Variants in DPP6 observed in about 807,000 individuals in gnomAD.
DPP6 encodes the protein dipeptidyl peptidase like 6.
Under a neutral mutation model 122.6 loss-of-function variants are expected in DPP6, and 69 were observed. That is an observed-to-expected ratio of 0.56 (90% CI 0.46 to 0.69). The LOEUF (loss-of-function observed/expected upper bound fraction) is 0.69, where lower values mean the gene tolerates loss of function less well. Ranked by LOEUF, DPP6 falls within the 30% of genes least tolerant of loss-of-function variation. DPP6 has a pLI of 0.00. For synonymous variants in DPP6, 418 were observed against 433.1 expected (o/e 0.97, Z 0.43); for missense variants, 928 against 1,116.9 (o/e 0.83, Z 2.41).
intron 7 of DPP6, among the ~76,000 whole-genome samples, chr7:154,676,197 GCTGTCTGGAGGT>G: frequency 6.6e-6 from 1 of 150,974 alleles, no homozygotes; most frequent in South Asian, 2.1e-4. Flanking sequence ...CTTGCAGCGT[GCTGTCTGGAGGT>G]CCAGCTGCCC....
chr7:154,635,702 A>G (rs1355912592), intron 5 of DPP6, among the ~76,000 whole-genome samples: 3 of 152,164 alleles, frequency 2.0e-5, no homozygotes, highest in African/African-American at 7.2e-5. Flanking sequence ...GCATCAAGAC[A>G]TTAGCCAGGG....
chr7:153,927,118 A>AT (rs1200583400), intron 1 of DPP6, among the ~76,000 whole-genome samples: 18 of 152,144 alleles, frequency 1.2e-4, no homozygotes, highest in African/African-American at 4.1e-4. Context: ...TTTGAGACCA[A>AT]TCTGGGCAAC....
chr7:154,443,122 G>T (rs188463622), intron 1 of DPP6, among the ~76,000 whole-genome samples: 338 of 152,204 alleles, frequency 2.2e-3, no homozygotes, highest in African/African-American at 7.7e-3. Context: ...CTCCACTGAA[G>T]CCTATGCTGT....
chr7:153,955,999 T>C (rs1348353920), intron 1 of DPP6, among the ~76,000 whole-genome samples: 1 of 152,114 alleles, frequency 6.6e-6, no homozygotes, highest in African/African-American at 2.4e-5. Context: ...TGTGGTCCTA[T>C]AAAGGTGCGT....
In DPP6 at chr7:154,282,303, G is replaced by T. The variant is rs913891399; in HGVS notation, c.244-163911G>T. ...GTACAATTCAATAGCCTGCATGCAG[G>T]GACATGCTTCTCAGGTGGCCTCTGG... On this transcript the variant is annotated intron_variant, in intron 1 of 25. Transcript: ENST00000377770. This position sits in a 1 kb window ranked among gnomAD's most constrained non-coding sequence, Gnocchi z 4.8. Among the ~76,000 whole-genome samples the T allele has an allele frequency of 3.3e-5, 5 of 152,120 alleles. No individual in the cohort carries two copies. The highest frequency in any genetic ancestry group is 1.2e-4 in the African/African-American group (5 of 41,418).
intron 1 of DPP6, among the ~76,000 whole-genome samples, chr7:154,209,637 CTT>C (rs2150805146): frequency 6.6e-6 from 1 of 152,044 alleles, no homozygotes; most frequent in South Asian, 2.1e-4. Flanking sequence ...AAAATAATCT[CTT>C]AAGTGTAAAG....
chr7:154,356,637 C>T (rs1811291903), intron 1 of DPP6, among the ~76,000 whole-genome samples: 1 of 152,046 alleles, frequency 6.6e-6, no homozygotes, highest in Non-Finnish European at 1.5e-5. Flanking sequence ...ACAATTCTAT[C>T]TAAGAAGTTA....
At chr7:154,634,956 T>C (rs1402026425) in intron 5 of DPP6, among the ~76,000 whole-genome samples, 1 of 152,166 alleles carries the variant, frequency 6.6e-6, no homozygotes, top group Non-Finnish European at 1.5e-5. Context: ...CCAGGAAAGA[T>C]GGCAGCTATT....
In DPP6 at chr7:154,204,353, G is replaced by A. The variant is rs190524786; in HGVS notation, c.243+151290G>A. ...GATGGGAAGTGGGGAGGGAGTCATGGAGTTTTAATCTCATCCTCTTTGTGG... is the reference window on the plus strand; with the variant it reads ...GATGGGAAGTGGGGAGGGAGTCATGAAGTTTTAATCTCATCCTCTTTGTGG... On this transcript the variant is annotated intron_variant, in intron 1 of 25. Coordinates refer to ENST00000377770, the MANE Select transcript of DPP6 (RefSeq NM_130797.4). Among the ~76,000 whole-genome samples, 74 of 152,326 alleles carry A rather than the reference G, an allele frequency of 4.9e-4. 1 individual carries two copies. The highest frequency in any genetic ancestry group is 4.8e-3 in the Admixed American group (74 of 15,302).
chr7:154,587,171 G>T lies in DPP6; in HGVS notation c.627+20255G>T, dbSNP rs117930046. The T allele has an allele frequency of 0.01, 1,735 of 170,832 alleles. 14 individuals are homozygous for T. The highest frequency in any genetic ancestry group is 0.015 in the Non-Finnish European group (1,150 of 79,280). The allele number at this position is 170,832 out of a possible 1,614,324, so 10.6% of individuals were successfully genotyped here. A position where few individuals can be genotyped will look rare whatever the true frequency, so the allele number is the denominator to read the frequency against. Reference sequence around the variant, plus strand: ...TTCGCTATTAATCCCTGCAGGGTCAGTGAACGCATGTCAGCTCTGCACTCA... The same window carrying T: ...TTCGCTATTAATCCCTGCAGGGTCATTGAACGCATGTCAGCTCTGCACTCA... On this transcript the variant is annotated intron_variant, in intron 5 of 25. Coordinates refer to ENST00000377770, the MANE Select transcript of DPP6 (RefSeq NM_130797.4).
chr7:153,964,999 T>TTTCTTCCTTC (rs1563055951), intron 1 of DPP6, among the ~76,000 whole-genome samples: 1 of 62,432 alleles, frequency 1.6e-5, no homozygotes, highest in African/African-American at 7.6e-5. Context: ...TTCCTTCCTT[T>TTTCTTCCTTC]CTTCCTTCCT....
At chr7:153,807,851 G>A in the DPP6 span, among the ~76,000 whole-genome samples, 1 of 152,006 alleles carries the variant, frequency 6.6e-6, no homozygotes, top group Non-Finnish European at 1.5e-5. Flanking sequence ...TGGCTTGAAA[G>A]AAGCCTCTAC....
At chr7:154,672,479 G>A (rs1838629090) in intron 7 of DPP6, among the ~76,000 whole-genome samples, 3 of 152,162 alleles carry the variant, frequency 2.0e-5, no homozygotes, top group South Asian at 2.1e-4. Flanking sequence ...CATTTTTGTG[G>A]TTTCAAACCA....
the DPP6 span, among the ~76,000 whole-genome samples, chr7:153,865,522 A>G: frequency 6.6e-6 from 1 of 152,204 alleles, no homozygotes; most frequent in African/African-American, 2.4e-5. Context: ...ATGACATTTT[A>G]ATTAATAAAA....
intron 5 of DPP6, among the ~76,000 whole-genome samples, chr7:154,626,165 G>A (rs923401007): frequency 7.2e-5 from 11 of 152,140 alleles, no homozygotes; most frequent in Non-Finnish European, 1.6e-4. Context: ...TTTCCTCCTA[G>A]CAATGCTATG....
intron 1 of DPP6, among the ~76,000 whole-genome samples, chr7:153,947,609 T>C (rs1397793016): frequency 6.6e-6 from 1 of 152,112 alleles, no homozygotes; most frequent in Admixed American, 6.5e-5. Context: ...GAAGGGACAG[T>C]GGGGACCCGA....
At chr7:154,324,718 C>T (rs1253034875) in intron 1 of DPP6, among the ~76,000 whole-genome samples, 3 of 152,074 alleles carry the variant, frequency 2.0e-5, no homozygotes, top group Non-Finnish European at 2.9e-5. Flanking sequence ...ACGTGGAAAC[C>T]GTGATGCTAG....
intron 8 of DPP6, among the ~76,000 whole-genome samples, chr7:154,749,191 C>T (rs375664463): frequency 2.6e-5 from 2 of 75,854 alleles, no homozygotes; most frequent in East Asian, 4.4e-4. Flanking sequence ...AGAGGGATGG[C>T]GGCTTTACTG....
intron 1 of DPP6, chr7:154,093,635 T>TACACAC (rs370461078): frequency 0.15 from 21,529 of 144,766 alleles, 1,943 homozygotes; most frequent in Admixed American, 0.2. Flanking sequence ...ACACACACCA[T>TACACAC]ACACACACAC....
Sources: allele counts gnomAD v4.1 joint callset (sites outside exome capture counted in the v4.1 genomes callset), GRCh38; gene constraint gnomAD v4.1.1; non-coding constraint Gnocchi (gnomAD v3.1); transcripts MANE v1.5; gene names NCBI Gene and HGNC (gene_info 2026-07-23, HGNC 2026-07-21).